ASCC3: variants seen among roughly 807,000 people sequenced by gnomAD.
ASCC3 encodes ASC-1 complex subunit P200.
Under a neutral mutation model 256.3 loss-of-function variants are expected in ASCC3, and 158 were observed. The observed-to-expected ratio is 0.62, with a 90% confidence interval of 0.54 to 0.70. The LOEUF (loss-of-function observed/expected upper bound fraction) is 0.70. Among genes scored for constraint, ASCC3 ranks in the 30% least tolerant of loss-of-function variants. The probability of loss-of-function intolerance (pLI) is 0.00; values close to 1 mark genes in which losing one functional copy is unlikely to be tolerated. For synonymous variants in ASCC3, 948 were observed against 883.4 expected, an observed-to-expected ratio of 1.07 and a Z score of -1.30; for missense variants, 2,259 against 2,626.0, an observed-to-expected ratio of 0.86 and a Z score of 3.05.
chr6:100,551,954 T>C (rs998592553), intron 36 of ASCC3, among the ~76,000 whole-genome samples: 1 of 151,814 alleles, frequency 6.6e-6, no homozygotes, highest in African/African-American at 2.4e-5. Flanking sequence ...ATGTGAGATC[T>C]GGGAATTGAT....
intron 30 of ASCC3, among the ~76,000 whole-genome samples, chr6:100,608,099 C>CG (rs375461210): frequency 0.011 from 1,310 of 118,352 alleles, 53 homozygotes; most frequent in African/African-American, 0.041. Context: ...TCTATATACA[C>CG]ATATATATGT....
Position 100,650,657 on chromosome 6 carries a change from A to C in ASCC3, c.3133T>G (p.Ser1045Ala). 6.2e-7 allele frequency: 1 copy of C among 1,612,608 alleles called. No homozygotes were observed. The highest frequency in any genetic ancestry group is 8.5e-7 in the Non-Finnish European group (1 of 1,178,952). Residue 1045 changes from serine (S) to alanine (A), a missense_variant, in exon 20 of 42, where the codon TCC (serine) becomes GCC (alanine). Around this residue, in one of 2 missense-constraint regions of ASCC3, gnomAD observed 1,839 missense variants for 2,206.7 expected, o/e 0.83. Coordinates refer to ENST00000369162, the MANE Select transcript of ASCC3 (RefSeq NM_006828.4). The stretch of plus-strand genomic sequence containing the variant: ...CTATTCTCTACACCTCCAGGAGTGG[A>C]GAGTTCACAAAAATTGCTTAATAAG... ...DTLLSNFCEL[S>A]TPGGVENSYG...
chr6:100,674,730 T>A (rs530675867), intron 14 of ASCC3, among the ~76,000 whole-genome samples: 1 of 151,816 alleles, frequency 6.6e-6, no homozygotes, highest in East Asian at 1.9e-4. Flanking sequence ...CCTCCCAAGT[T>A]CAAGCGATTC....
chr6:100,837,667 G>C (rs1459660990), intron 4 of ASCC3, among the ~76,000 whole-genome samples: 5 of 152,016 alleles, frequency 3.3e-5, no homozygotes, highest in Non-Finnish European at 7.4e-5. Context: ...CTCACATGTG[G>C]AATCTAAAAA....
At chr6:100,863,600 TGATA>T (rs929633911) in intron 3 of ASCC3, among the ~76,000 whole-genome samples, 2 of 152,180 alleles carry the variant, frequency 1.3e-5, no homozygotes, top group African/African-American at 4.8e-5. Context: ...CGAAGCTCGC[TGATA>T]GATACGGACT....
intron 39 of ASCC3, among the ~76,000 whole-genome samples, chr6:100,515,464 C>G (rs240778): frequency 0.024 from 3,633 of 152,122 alleles, 144 homozygotes; most frequent in African/African-American, 0.083. Context: ...GTTATAAATC[C>G]TGAACGTTTA....
intron 4 of ASCC3, among the ~76,000 whole-genome samples, chr6:100,836,673 T>C (rs1771890719): frequency 6.6e-6 from 1 of 152,154 alleles, no homozygotes; most frequent in African/African-American, 2.4e-5. Context: ...TTTACATCTA[T>C]GTTTATCAGC....
intron 36 of ASCC3, among the ~76,000 whole-genome samples, chr6:100,544,332 C>T (rs1296791392): frequency 6.6e-6 from 1 of 151,872 alleles, no homozygotes; most frequent in African/African-American, 2.4e-5. Context: ...GTGAACAAAT[C>T]ACTGAAATAG....
intron 13 of ASCC3, among the ~76,000 whole-genome samples, chr6:100,698,436 G>C (rs1406264116): frequency 6.6e-6 from 1 of 151,974 alleles, no homozygotes; most frequent in Non-Finnish European, 1.5e-5. Flanking sequence ...AATTTTCTCT[G>C]CTCTAAAATC....
At chr6:100,855,192 C>T (rs1329230026) in intron 3 of ASCC3, among the ~76,000 whole-genome samples, 1 of 151,894 alleles carries the variant, frequency 6.6e-6, no homozygotes, top group Non-Finnish European at 1.5e-5. Flanking sequence ...TGGCTCACTG[C>T]AGCCTCTGCC....
At chr6:100,635,132 C>T (rs1391827868) in intron 25 of ASCC3, among the ~76,000 whole-genome samples, 2 of 151,136 alleles carry the variant, frequency 1.3e-5, no homozygotes, top group Admixed American at 6.6e-5. Flanking sequence ...TTTGAATAGC[C>T]CAAATATGGA....
chr6:100,526,201 C>G (rs1224568945), intron 37 of ASCC3, among the ~76,000 whole-genome samples: 1 of 152,132 alleles, frequency 6.6e-6, no homozygotes, highest in African/African-American at 2.4e-5. Flanking sequence ...TGAGTAAAAG[C>G]GCTTCAAGTG....
At chr6:100,876,650 A>T (rs1486524277) in intron 1 of ASCC3, among the ~76,000 whole-genome samples, 4 of 152,206 alleles carry the variant, frequency 2.6e-5, no homozygotes, top group African/African-American at 7.2e-5. Flanking sequence ...ACTGGCCTAC[A>T]TATCAATTTT....
chr6:100,616,645 T>A (rs1394343858), intron 30 of ASCC3, among the ~76,000 whole-genome samples: 1 of 152,152 alleles, frequency 6.6e-6, no homozygotes, highest in Non-Finnish European at 1.5e-5. Context: ...TGCTTCAGAT[T>A]TTTTCCCCCA....
At chr6:100,528,709 C>T (rs1774717924) in intron 37 of ASCC3, among the ~76,000 whole-genome samples, 1 of 152,100 alleles carries the variant, frequency 6.6e-6, no homozygotes, top group Non-Finnish European at 1.5e-5. Context: ...AAAGTTAGAG[C>T]CAAGACTATA....
chr6:100,602,260 A>C (rs968361538), intron 33 of ASCC3, among the ~76,000 whole-genome samples: 3 of 152,006 alleles, frequency 2.0e-5, no homozygotes, highest in Non-Finnish European at 1.5e-5. Flanking sequence ...TTTCATTTAA[A>C]TGTGAATAAA....
chr6:100,813,727 A>C (rs1209271069), intron 4 of ASCC3, among the ~76,000 whole-genome samples: 1 of 152,050 alleles, frequency 6.6e-6, no homozygotes, highest in Non-Finnish European at 1.5e-5. Flanking sequence ...AGATAAATAA[A>C]TAATTCAACA....
intron 8 of ASCC3, among the ~76,000 whole-genome samples, chr6:100,795,769 A>G (rs1285735803): frequency 6.6e-6 from 1 of 152,160 alleles, no homozygotes; most frequent in Non-Finnish European, 1.5e-5. Context: ...GCATCTTAGG[A>G]CAGTTAGGAA....
intron 36 of ASCC3, among the ~76,000 whole-genome samples, chr6:100,546,419 A>C (rs1270570186): frequency 2.0e-5 from 3 of 152,198 alleles, no homozygotes; most frequent in Admixed American, 1.3e-4. Context: ...AGCCAAAAGC[A>C]CTCAGGATAA....
Sources: allele counts gnomAD v4.1 joint callset (sites outside exome capture counted in the v4.1 genomes callset), GRCh38; gene constraint gnomAD v4.1.1; regional missense constraint gnomAD v4.1.1; transcripts MANE v1.5; gene names NCBI Gene and HGNC (gene_info 2026-07-23, HGNC 2026-07-21).